The following SMG6 variants were observed in gnomAD, a reference collection of about 807,000 sequenced individuals.
SMG6 encodes the protein telomerase-binding protein EST1A.
SMG6 carries 66 observed loss-of-function variants against 142.2 expected under a neutral mutation model. That is an observed-to-expected ratio of 0.46 (90% CI 0.38 to 0.57). SMG6 has a LOEUF of 0.57. Ranked by LOEUF, SMG6 falls within the 20% of genes least tolerant of loss-of-function variation. SMG6 has a pLI of 0.00. For missense variants in SMG6, 1,793 were observed against 1,832.0 expected (o/e 0.98, Z 0.39); for synonymous variants, 779 against 702.4 (o/e 1.11, Z -1.72).
chr17:2,250,266 G>C (rs2074017678), intron 8 of SMG6, among the ~76,000 whole-genome samples: 1 of 152,006 alleles, frequency 6.6e-6, no homozygotes, highest in Admixed American at 6.6e-5. Context: ...TCTGAAAAGT[G>C]AATCATTTTA....
chr17:2,230,219 A>AG, intron 10 of SMG6, among the ~76,000 whole-genome samples: 1 of 50,310 alleles, frequency 2.0e-5, no homozygotes, highest in Non-Finnish European at 3.9e-5. Context: ...AAAAAAAAAA[A>AG]AAGGAAAAGA....
chr17:2,280,360 T>G (rs2074757754), intron 8 of SMG6, among the ~76,000 whole-genome samples: 1 of 152,172 alleles, frequency 6.6e-6, no homozygotes, highest in African/African-American at 2.4e-5. Context: ...CCTCCCGGGT[T>G]CAAGCAACTC....
chr17:2,298,778 C>T, intron 2 of SMG6, 128 bp downstream of exon 2: 1 of 848,124 alleles, frequency 1.2e-6, no homozygotes, highest in Non-Finnish European at 1.8e-6. Flanking sequence ...CTGCCCTTCC[C>T]TTACAACGTG....
intron 13 of SMG6, among the ~76,000 whole-genome samples, chr17:2,164,376 T>C (rs2071270021): frequency 6.6e-6 from 1 of 151,132 alleles, no homozygotes; most frequent in South Asian, 2.1e-4. Flanking sequence ...TGAGCCAAGA[T>C]CATGCTACTG....
chr17:2,117,311 G>A (rs146050734), intron 13 of SMG6, among the ~76,000 whole-genome samples: 6 of 151,790 alleles, frequency 4.0e-5, no homozygotes, highest in African/African-American at 1.2e-4. Context: ...CTCAGACACT[G>A]TATTAAGGCA....
intron 13 of SMG6, among the ~76,000 whole-genome samples, chr17:2,108,180 C>T (rs1254546504): frequency 6.6e-6 from 1 of 152,032 alleles, no homozygotes. Flanking sequence ...TTACAGAAAA[C>T]AGCTATAGAA....
chr17:2,103,480 G>A (rs999728632), intron 13 of SMG6, among the ~76,000 whole-genome samples: 1 of 152,180 alleles, frequency 6.6e-6, no homozygotes, highest in Non-Finnish European at 1.5e-5. Flanking sequence ...GGAAGAAACA[G>A]CGGACCAGTT....
chr17:2,254,644 A>G (rs1258738716), intron 8 of SMG6, among the ~76,000 whole-genome samples: 1 of 152,122 alleles, frequency 6.6e-6, no homozygotes, highest in Non-Finnish European at 1.5e-5. Flanking sequence ...CATCAAACCC[A>G]TCTTATAAAT....
chr17:2,159,622 T>A (rs982642838), intron 13 of SMG6, among the ~76,000 whole-genome samples: 1 of 152,316 alleles, frequency 6.6e-6, no homozygotes, highest in African/African-American at 2.4e-5. Context: ...GGAAGCTTCT[T>A]TTAAAGTTAG....
In SMG6 at chr17:2,108,771, G is replaced by A. The variant is rs989913033; in HGVS notation, c.3358-22870C>T. ...AGCCTGGCCAATACAGCGAAGACCC[G>A]TCTCTGCTAAAAATATAAAAAAATT... On this transcript the variant is annotated intron_variant, in intron 13 of 18. Coordinates refer to ENST00000263073, the MANE Select transcript of SMG6 (RefSeq NM_017575.5). 4.6e-5 allele frequency among the ~76,000 whole-genome samples: 7 copies of A among 152,090 alleles called. No homozygotes were observed. The East Asian group carries it at 5.8e-4, about 13-fold the overall frequency.
chr17:2,087,087 G>A (rs1326183420), intron 13 of SMG6: 3 of 1,290,348 alleles, frequency 2.3e-6, no homozygotes, highest in East Asian at 5.5e-5. Flanking sequence ...GGAGACTACT[G>A]ATGATCATTT....
chr17:2,184,322 C>T (rs1318238979), intron 12 of SMG6, among the ~76,000 whole-genome samples: 1 of 149,742 alleles, frequency 6.7e-6, no homozygotes, highest in Non-Finnish European at 1.5e-5. Flanking sequence ...GAGATCATGC[C>T]ACTGCACTTG....
At chr17:2,199,144 G>A (rs536121633) in intron 10 of SMG6, among the ~76,000 whole-genome samples, 8 of 152,130 alleles carry the variant, frequency 5.3e-5, no homozygotes, top group Admixed American at 2.0e-4. Flanking sequence ...GAAACTGAGC[G>A]AGCAGTTAAA....
chr17:2,290,790 T>G (rs1190113677), intron 6 of SMG6, among the ~76,000 whole-genome samples: 1 of 151,964 alleles, frequency 6.6e-6, no homozygotes, highest in East Asian at 1.9e-4. Context: ...AAAAAAGTAG[T>G]GGGGGGGCCA....
chr17:2,255,281 G>A (rs866195520), intron 8 of SMG6, among the ~76,000 whole-genome samples: 1 of 150,156 alleles, frequency 6.7e-6, no homozygotes, highest in Non-Finnish European at 1.5e-5. Context: ...GCGGGCGCCT[G>A]TAGTCCCAGC....
chr17:2,299,311 T>C lies in SMG6; in HGVS notation c.1442A>G (p.Asp481Gly). 1 of 1,614,086 alleles carries C rather than the reference T, an allele frequency of 6.2e-7. No homozygotes were observed. Among genetic ancestry groups the C allele is most frequent in the Non-Finnish European group, 8.5e-7 (1 of 1,180,018 alleles). Residue 481 changes from aspartate (D) to glycine (G), a missense_variant, in exon 2 of 19, where the codon GAT (aspartate) becomes GGT (glycine). Transcript: ENST00000263073. This position sits in a 1 kb window ranked among gnomAD's most constrained non-coding sequence, Gnocchi z 4.3. ...ACCCCAAGATGTAGGGCTGACTTCA[T>C]CATCAGTGTCCAAGAAATGTAGCTG... Reference protein sequence around the residue: ...TPQLHFLDTDDEVSPTSWGDS... With the variant: ...TPQLHFLDTDGEVSPTSWGDS...
chr17:2,122,403 G>A (rs1236600291), intron 13 of SMG6: 1 of 152,144 alleles, frequency 6.6e-6, no homozygotes, highest in East Asian at 1.9e-4. Flanking sequence ...CCCTGTTGCC[G>A]TCACTAAACA....
chr17:2,139,484 C>G (rs536323596), intron 13 of SMG6, among the ~76,000 whole-genome samples: 3 of 136,132 alleles, frequency 2.2e-5, no homozygotes, highest in Non-Finnish European at 4.6e-5. Context: ...TGCAGTGGCG[C>G]GATCTCAGCT....
At chr17:2,064,559 C>G (rs2067881591) in intron 18 of SMG6, among the ~76,000 whole-genome samples, 1 of 152,196 alleles carries the variant, frequency 6.6e-6, no homozygotes, top group Non-Finnish European at 1.5e-5. Context: ...GCAAAGCCCA[C>G]TATTCACTGG....
Sources: allele counts gnomAD v4.1 joint callset (sites outside exome capture counted in the v4.1 genomes callset), GRCh38; gene constraint gnomAD v4.1.1; non-coding constraint Gnocchi (gnomAD v3.1); transcripts MANE v1.5; gene names NCBI Gene and HGNC (gene_info 2026-07-23, HGNC 2026-07-21).